The following BLM variants were observed in gnomAD, a reference collection of about 807,000 sequenced individuals.
BLM encodes the protein BLM RecQ like helicase, also known as recQ-like DNA helicase BLM.
Under a neutral mutation model 135.3 loss-of-function variants are expected in BLM, and 95 were observed. That is an observed-to-expected ratio of 0.70 (90% CI 0.59 to 0.83). BLM has a LOEUF of 0.83. BLM is among the 40% of genes least tolerant of loss of function. BLM has a pLI of 0.00. For missense variants in BLM, 1,518 were observed against 1,663.9 expected (o/e 0.91, Z 1.53); for synonymous variants, 520 against 589.2 (o/e 0.88, Z 1.70).
intron 12 of BLM, among the ~76,000 whole-genome samples, chr15:90,775,853 C>G (rs567222524): frequency 6.6e-6 from 1 of 150,986 alleles, no homozygotes; most frequent in East Asian, 1.9e-4. Context: ...ATGAGATAGG[C>G]CTTTTGTTTG....
chr15:90,789,863 A>G (rs1896853085), intron 14 of BLM, among the ~76,000 whole-genome samples: 1 of 152,160 alleles, frequency 6.6e-6, no homozygotes, highest in Admixed American at 6.5e-5. Flanking sequence ...TCTGGGTTAA[A>G]TAGCTCCTAA....
intron 5 of BLM, among the ~76,000 whole-genome samples, chr15:90,758,136 T>C (rs1406087479): frequency 1.3e-5 from 2 of 151,860 alleles, no homozygotes; most frequent in Admixed American, 1.3e-4. Context: ...AGCCTCAGCC[T>C]TCCAAAGTGC....
intron 16 of BLM, 68 bp from the exon 17 acceptor site, chr15:90,798,116 GTTAATA>G: frequency 7.4e-7 from 1 of 1,348,590 alleles, no homozygotes; most frequent in East Asian, 2.3e-5. Context: ...ATCTACTATA[GTTAATA>G]TTAAACCCTA....
chr15:90,800,593 T>C (rs539515064), intron 17 of BLM, among the ~76,000 whole-genome samples: 2 of 152,046 alleles, frequency 1.3e-5, no homozygotes, highest in East Asian at 3.9e-4. Flanking sequence ...GGCAGGAGAA[T>C]TGCTTGAACC....
rs754915610 is a variant in BLM, at chr15:90,803,557, G to T, written c.3395G>T (p.Gly1132Val). The T allele has an allele frequency of 6.2e-7, 1 of 1,613,800 alleles. No homozygotes were observed. Among genetic ancestry groups the T allele is most frequent in the Non-Finnish European group, 8.5e-7 (1 of 1,179,776 alleles). The part of the protein sequence containing the change: ...KSAKIQSGIF[G>V]KGSAYSRHNA... ...GCAAAAATCCAGTCAGGTATATTTG[G>T]AAAAGGATCTGCTTATTCACGACAC... The change falls in exon 18 of 22, where the codon GGA becomes GTA. Residue 1132 changes from glycine to valine, a missense_variant. Gly to Val is a moderately radical substitution (Grantham distance 109, BLOSUM62 -3). Transcript: ENST00000355112.
chr15:90,736,087 G>C (rs1895208588), intron 1 of BLM, among the ~76,000 whole-genome samples: 1 of 152,188 alleles, frequency 6.6e-6, no homozygotes, highest in Admixed American at 6.5e-5. Flanking sequence ...TCACCTATCA[G>C]CTCTGCACTA....
chr15:90,793,125 T>A (rs938677656), intron 15 of BLM, among the ~76,000 whole-genome samples: 5 of 151,494 alleles, frequency 3.3e-5, no homozygotes, highest in East Asian at 3.8e-4. Context: ...TAATATTTTT[T>A]AAAAATTATT....
At chr15:90,720,842 C>T (rs1028745468) in intron 1 of BLM, among the ~76,000 whole-genome samples, 5 of 152,080 alleles carry the variant, frequency 3.3e-5, no homozygotes, top group Non-Finnish European at 7.4e-5. Flanking sequence ...AGTTTGCCCA[C>T]GGAGTGCTGG....
chr15:90,787,201 C>T (rs1355148963), intron 14 of BLM, among the ~76,000 whole-genome samples: 4 of 138,490 alleles, frequency 2.9e-5, no homozygotes, highest in Non-Finnish European at 4.6e-5. Flanking sequence ...AGGCACCCGC[C>T]ACCACGCCCG....
Position 90,745,500 on chromosome 15 carries a change from C to T in BLM, c.-4-1889C>T, listed in dbSNP as rs561970341. 1.2e-3 allele frequency among the ~76,000 whole-genome samples: 178 copies of T among 152,230 alleles called. 1 individual carries two copies. Among genetic ancestry groups the T allele is most frequent in the Middle Eastern group, 0.01 (3 of 294 alleles). Reference sequence around the variant, plus strand: ...TCTCAGCTCACTGCAATATCTGCCTCCTAGGCTCAAGCAGTCCTCCCACCT... The same window carrying T: ...TCTCAGCTCACTGCAATATCTGCCTTCTAGGCTCAAGCAGTCCTCCCACCT... On this transcript the variant is annotated intron_variant, in intron 1 of 21. Coordinates refer to ENST00000355112, the MANE Select transcript of BLM (RefSeq NM_000057.4).
intron 12 of BLM, among the ~76,000 whole-genome samples, chr15:90,780,946 A>G (rs1896602684): frequency 6.6e-6 from 1 of 152,258 alleles, no homozygotes; most frequent in African/African-American, 2.4e-5. Flanking sequence ...GCATCCTTGG[A>G]TTTAGGTATC....
intron 1 of BLM, among the ~76,000 whole-genome samples, chr15:90,737,749 C>G (rs564543337): frequency 6.6e-6 from 1 of 152,082 alleles, no homozygotes; most frequent in South Asian, 2.1e-4. Context: ...AATTTAACTT[C>G]ACACTTAAAG....
At chr15:90,790,587 T>G in intron 14 of BLM, 62 bp from the exon 15 acceptor site, 3 of 1,469,904 alleles carry the variant, frequency 2.0e-6, no homozygotes, top group Admixed American at 3.3e-5. Context: ...AAGCATCTAT[T>G]ATGAAAATGT....
Position 90,790,721 on chromosome 15 carries a change from C to A in BLM, c.2896C>A (p.Leu966Ile). The A allele has an allele frequency of 6.2e-7, 1 of 1,614,160 alleles. No homozygotes were observed. The highest frequency in any genetic ancestry group is 8.5e-7 in the Non-Finnish European group (1 of 1,180,006). The change falls in exon 15 of 22, where the codon CTC becomes ATC. Residue 966 changes from leucine (L) to isoleucine (I), a missense_variant. Leu to Ile is a conservative substitution (Grantham distance 5, BLOSUM62 2). Coordinates refer to ENST00000355112, the MANE Select transcript of BLM (RefSeq NM_000057.4). Reference sequence around the variant, plus strand: ...CGTGCGATTTGTGATTCATGCATCTCTCCCTAAATCTGTGGAGGGTTACTA... The same window carrying A: ...CGTGCGATTTGTGATTCATGCATCTATCCCTAAATCTGTGGAGGGTTACTA... ...PDVRFVIHAS[L>I]PKSVEGYYQE... is the part of the protein sequence containing the mutation.
At chr15:90,727,541 C>T (rs1168092696) in intron 1 of BLM, among the ~76,000 whole-genome samples, 6 of 151,790 alleles carry the variant, frequency 4.0e-5, no homozygotes, top group Non-Finnish European at 5.9e-5. Flanking sequence ...TACCTGTTTT[C>T]CTTCTGAGAG....
intron 1 of BLM, among the ~76,000 whole-genome samples, chr15:90,717,856 G>T (rs2151122664): frequency 6.6e-6 from 1 of 152,346 alleles, no homozygotes; most frequent in South Asian, 2.1e-4. Context: ...ATAATCACGA[G>T]CTGGGCTACT....
At chr15:90,733,923 C>T (rs1427521722) in intron 1 of BLM, among the ~76,000 whole-genome samples, 4 of 152,066 alleles carry the variant, frequency 2.6e-5, no homozygotes, top group African/African-American at 9.7e-5. Flanking sequence ...TTTTACACAG[C>T]ATAATTATTT....
chr15:90,784,222 TTTA>T (rs1272875141), intron 13 of BLM, among the ~76,000 whole-genome samples: 2 of 152,190 alleles, frequency 1.3e-5, no homozygotes, highest in African/African-American at 4.8e-5. Flanking sequence ...CTTGTATCAC[TTTA>T]TTTCCTAATT....
Position 90,754,808 on chromosome 15 carries a change from CA to C in BLM, c.960-2del. 1 of 1,612,890 alleles carries C rather than the reference CA, an allele frequency of 6.2e-7. No individual in the cohort carries two copies. Among genetic ancestry groups the C allele is most frequent in the Non-Finnish European group, 8.5e-7 (1 of 1,179,490 alleles). The stretch of plus-strand genomic sequence containing the variant: ...ATTGGCTTAACATTTTTTTTATTTG[CA>C]GTACGTTAAAGGACCTTGACACCTC... On this transcript the variant is annotated splice_acceptor_variant, in intron 4 of 21. Coordinates refer to ENST00000355112, the MANE Select transcript of BLM (RefSeq NM_000057.4). LOFTEE classifies it high-confidence loss of function.
Sources: allele counts gnomAD v4.1 joint callset (sites outside exome capture counted in the v4.1 genomes callset), GRCh38; gene constraint gnomAD v4.1.1; transcripts MANE v1.5; gene names NCBI Gene and HGNC (gene_info 2026-07-23, HGNC 2026-07-21).